CSMD1: variants seen among roughly 807,000 people sequenced by gnomAD.
The protein encoded by CSMD1 is CUB and Sushi multiple domains 1, also known as CUB and sushi domain-containing protein 1.
A neutral mutation model predicts 417.5 loss-of-function variants in CSMD1; 213 were observed. The ratio of observed to expected loss-of-function variants is 0.51; its 90% CI spans 0.46 to 0.57. The LOEUF (loss-of-function observed/expected upper bound fraction) is 0.57, where lower values mean the gene tolerates loss of function less well. Among genes scored for constraint, CSMD1 ranks in the 20% least tolerant of loss-of-function variants. The pLI, the probability that CSMD1 is intolerant of heterozygous loss-of-function variation, is 0.00. For missense variants in CSMD1, 6,923 were observed against 4,529.7 expected, an observed-to-expected ratio of 1.53 and a Z score of -15.17; for synonymous variants, 2,862 against 1,736.8, an observed-to-expected ratio of 1.65 and a Z score of -16.11.
chr8:4,195,360 A>G (rs2131230311), intron 3 of CSMD1, among the ~76,000 whole-genome samples: 2 of 152,312 alleles, frequency 1.3e-5, no homozygotes, highest in Middle Eastern at 6.8e-3. Context: ...CACCCTAACA[A>G]ATTGGATCTT....
intron 25 of CSMD1, among the ~76,000 whole-genome samples, chr8:3,290,939 C>A (rs1004820972): frequency 4.6e-5 from 7 of 152,260 alleles, no homozygotes; most frequent in Middle Eastern, 3.4e-3. Flanking sequence ...TTTTCCCATT[C>A]AGTATGATAT....
At chr8:4,856,555 A>G (rs1801812097) in intron 1 of CSMD1, among the ~76,000 whole-genome samples, 1 of 140,790 alleles carries the variant, frequency 7.1e-6, no homozygotes. Context: ...GGCTCAAAAT[A>G]AAAGGATGGA....
At position 3,396,291 on chromosome 8, in the gene CSMD1, C is replaced by T. The variant is rs1266582943; in HGVS notation, c.2496G>A (p.Gln832=). 1.2e-6 allele frequency: 2 copies of T among 1,603,762 alleles called. No individual in the cohort carries two copies. Among genetic ancestry groups the T allele is most frequent in the Non-Finnish European group, 1.7e-6 (2 of 1,175,116 alleles). ...CGGTGCTGATGAGGAACTGGGGTGC[C>T]TGGGTGCCGTGGTACTCGCCGATCA... ...SPLIGEYHGT[Q]APQFLISTGN... is the part of the protein sequence containing the mutation. The change falls in exon 17 of 70, where the codon CAG becomes CAA. Residue 832 remains glutamine (Q), a synonymous_variant. Transcript: ENST00000635120.
At chr8:4,390,497 T>TTTTTTTTTTTATTTATTTA (rs58291340) in intron 3 of CSMD1, among the ~76,000 whole-genome samples, 15 of 140,322 alleles carry the variant, frequency 1.1e-4, no homozygotes, top group South Asian at 2.3e-4. Context: ...AAGCGTCCAT[T>TTTTTTTTTTTATTTATTTA]TTTATTTATT....
At chr8:4,595,698 T>C (rs1253078125) in intron 2 of CSMD1, among the ~76,000 whole-genome samples, 4 of 152,166 alleles carry the variant, frequency 2.6e-5, no homozygotes, top group Non-Finnish European at 5.9e-5. Context: ...ACTCAGGAGT[T>C]GGAGGCCAGC....
chr8:3,522,196 A>T (rs1385652952), intron 10 of CSMD1, among the ~76,000 whole-genome samples: 1 of 152,204 alleles, frequency 6.6e-6, no homozygotes, highest in Non-Finnish European at 1.5e-5. Context: ...TCGTTATATG[A>T]TTAAATTTTT....
At position 3,924,556 on chromosome 8, in the gene CSMD1, G is replaced by A. The variant is rs117612947; in HGVS notation, c.818+73347C>T. Among the ~76,000 whole-genome samples, 104 of 152,194 alleles carry A rather than the reference G, an allele frequency of 6.8e-4. 1 individual carries two copies. The East Asian group carries it at 0.019, about 28-fold the overall frequency. ...GACTTGCTTCATTTTTGAAAATTGT[G>A]TATCAGTTTTGTCCCTGTGACTGGA... On this transcript the variant is annotated intron_variant, in intron 5 of 69. Transcript: ENST00000635120.
At chr8:3,158,991 C>A (rs1369951345) in intron 38 of CSMD1, among the ~76,000 whole-genome samples, 2 of 152,194 alleles carry the variant, frequency 1.3e-5, no homozygotes, top group African/African-American at 4.8e-5. Context: ...ACAAAACTAA[C>A]TTTCTCATAC....
chr8:4,485,083 A>G (rs1801306644), intron 2 of CSMD1, among the ~76,000 whole-genome samples: 1 of 150,868 alleles, frequency 6.6e-6, no homozygotes, highest in South Asian at 2.1e-4. Flanking sequence ...CCACACAGAA[A>G]GGAGATGCTG....
intron 5 of CSMD1, among the ~76,000 whole-genome samples, chr8:3,919,636 C>T (rs1045757492): frequency 1.3e-5 from 2 of 152,044 alleles, no homozygotes; most frequent in Non-Finnish European, 2.9e-5. Flanking sequence ...TGATTCCATA[C>T]AAATTTTATG....
chr8:4,468,314 G>A (rs571077133), intron 2 of CSMD1, among the ~76,000 whole-genome samples: 2 of 148,848 alleles, frequency 1.3e-5, no homozygotes, highest in South Asian at 2.2e-4. Context: ...TTCTGTTATT[G>A]ACTGGGCGAT....
rs1386209315 is a variant in CSMD1 at position 3,576,115 on chromosome 8, G to C, written c.1223-1049C>G. Among the ~76,000 whole-genome samples, 2 of 151,966 alleles carry C rather than the reference G, an allele frequency of 1.3e-5. 1 individual carries two copies. The highest frequency in any genetic ancestry group is 4.8e-5 in the African/African-American group (2 of 41,390). On this transcript the variant is annotated intron_variant, in intron 9 of 69. Transcript: ENST00000635120. Reference sequence around the variant, plus strand: ...TGAGTTTAACCCTTTCTTCAAGTCAGTTATTATTCTAGCAGACTCAGCTAC... The same window carrying C: ...TGAGTTTAACCCTTTCTTCAAGTCACTTATTATTCTAGCAGACTCAGCTAC...
At chr8:3,772,200 AC>A (rs1798613708) in intron 5 of CSMD1, among the ~76,000 whole-genome samples, 2 of 138,740 alleles carry the variant, frequency 1.4e-5, no homozygotes, top group Admixed American at 1.5e-4. Context: ...ACACACACAC[AC>A]ACACACACAC....
At chr8:4,886,487 T>C (rs939638694) in intron 1 of CSMD1, among the ~76,000 whole-genome samples, 2 of 152,060 alleles carry the variant, frequency 1.3e-5, no homozygotes, top group Non-Finnish European at 2.9e-5. Flanking sequence ...TTTAGTTTAT[T>C]GGCATCAAAT....
At chr8:3,433,988 G>C (rs777876016) in intron 12 of CSMD1, among the ~76,000 whole-genome samples, 31 of 152,188 alleles carry the variant, frequency 2.0e-4, no homozygotes, top group Non-Finnish European at 3.8e-4. Flanking sequence ...TTTCCTTTTA[G>C]GTGGCAAAGC....
At chr8:3,671,130 G>GTA (rs201094849) in intron 7 of CSMD1, among the ~76,000 whole-genome samples, 3 of 146,348 alleles carry the variant, frequency 2.0e-5, no homozygotes, top group Non-Finnish European at 4.5e-5. Context: ...GGATATATAT[G>GTA]TATGGGATAT....
chr8:3,508,544 T>C (rs1232482258), intron 10 of CSMD1, among the ~76,000 whole-genome samples: 1 of 151,838 alleles, frequency 6.6e-6, no homozygotes, highest in African/African-American at 2.4e-5. Flanking sequence ...TTTAAAGAAA[T>C]ACTAAACACT....
intron 5 of CSMD1, among the ~76,000 whole-genome samples, chr8:3,797,144 G>T (rs996726424): frequency 6.6e-6 from 1 of 151,850 alleles, no homozygotes; most frequent in Admixed American, 6.6e-5. Flanking sequence ...ATAAAATACA[G>T]TCAACATAAT....
chr8:3,793,029 G>C (rs1037781021), intron 5 of CSMD1, among the ~76,000 whole-genome samples: 3 of 152,282 alleles, frequency 2.0e-5, no homozygotes, highest in African/African-American at 2.4e-5. Flanking sequence ...TAAACTCTGA[G>C]GATGGGCGAG....
Sources: gnomAD v4.1 joint callset for allele counts (sites outside exome capture counted in the v4.1 genomes callset) on GRCh38, gnomAD v4.1.1 for gene constraint, MANE v1.5 for transcripts, NCBI Gene and HGNC (gene_info 2026-07-23, HGNC 2026-07-21) for gene names.